Variants in ATG7 observed in about 807,000 individuals in gnomAD.
ATG7 encodes ubiquitin-like modifier-activating enzyme ATG7.
In ATG7, 70 loss-of-function variants were observed where a neutral mutation model predicts 82.4. That is an observed-to-expected ratio of 0.85 (90% CI 0.70 to 1.04). ATG7 has a LOEUF of 1.04. Ranked by LOEUF, ATG7 falls within the 50% of genes least tolerant of loss-of-function variation. The pLI, the probability that ATG7 is intolerant of heterozygous loss-of-function variation, is 0.00. For synonymous variants in ATG7, 287 were observed against 313.0 expected (o/e 0.92, Z 0.88); for missense variants, 792 against 864.3 (o/e 0.92, Z 1.05).
the ATG7 span, among the ~76,000 whole-genome samples, chr3:11,564,412 C>CT: frequency 6.6e-6 from 1 of 151,690 alleles, no homozygotes; most frequent in African/African-American, 2.4e-5. Flanking sequence ...AGGACCCCCC[C>CT]ACCCGAGGAT....
At chr3:11,394,364 G>T (rs1291533904) in intron 19 of ATG7, among the ~76,000 whole-genome samples, 1 of 152,140 alleles carries the variant, frequency 6.6e-6, no homozygotes, top group Non-Finnish European at 1.5e-5. Context: ...TAAGAAACTG[G>T]ATCAGTTGCT....
intron 3 of ATG7, among the ~76,000 whole-genome samples, chr3:11,286,125 G>A (rs1255378331): frequency 4.6e-5 from 7 of 152,180 alleles, no homozygotes; most frequent in Non-Finnish European, 1.0e-4. Context: ...TTCTTTCCAT[G>A]GCATTCTATC....
At chr3:11,282,007 C>T (rs967883122) in intron 2 of ATG7, among the ~76,000 whole-genome samples, 186 bp from the exon 3 acceptor site, 1 of 152,132 alleles carries the variant, frequency 6.6e-6, no homozygotes, top group African/African-American at 2.4e-5. Context: ...CATAGGGCTC[C>T]ACAGTGATTT....
chr3:11,363,024 A>G, intron 17 of ATG7, 96 bp downstream of exon 17: 1 of 1,087,794 alleles, frequency 9.2e-7, no homozygotes. Context: ...CTGACTTTAC[A>G]GAGAATTTCA....
intron 20 of ATG7, among the ~76,000 whole-genome samples, chr3:11,527,313 C>G (rs1485844304): frequency 6.6e-6 from 1 of 151,982 alleles, no homozygotes; most frequent in Admixed American, 6.6e-5. Flanking sequence ...CCATGTTGGC[C>G]AGGTTGAACT....
intron 20 of ATG7, among the ~76,000 whole-genome samples, chr3:11,441,545 A>G (rs1185946294): frequency 6.6e-6 from 1 of 151,126 alleles, no homozygotes; most frequent in African/African-American, 2.4e-5. Flanking sequence ...ACCAGCCTGC[A>G]TTATGTTTTA....
intron 20 of ATG7, among the ~76,000 whole-genome samples, chr3:11,507,213 C>T (rs867151146): frequency 6.6e-6 from 1 of 152,102 alleles, no homozygotes; most frequent in South Asian, 2.1e-4. Flanking sequence ...ACCCAGGAGG[C>T]GGAAGTTTCA....
intron 18 of ATG7, among the ~76,000 whole-genome samples, chr3:11,372,841 CGTGCGTGTGCGTGTGTGTGT>C (rs2077117825): frequency 6.3e-5 from 1 of 15,826 alleles, no homozygotes; most frequent in African/African-American, 2.7e-4. Flanking sequence ...TGTGTGCGTG[CGTGCGTGTGCGTGTGTGTGT>C]GTGAAATCGG....
At position 11,368,890 on chromosome 3, in the gene ATG7, T is replaced by TA. The variant is rs34587023; in HGVS notation, c.1875+4163dup. Among the ~76,000 whole-genome samples the TA allele has an allele frequency of 4.6e-5, 7 of 151,132 alleles. 1 individual carries two copies. Among genetic ancestry groups the TA allele is most frequent in the African/African-American group, 1.5e-4 (6 of 40,986 alleles). On this transcript the variant is annotated intron_variant, in intron 18 of 20. Transcript: ENST00000693202. ...TGAACTCTTGGTTCTAAAGTACTGA[T>TA]AAAAAAAGACCCTGAATGTGTATAT... is the stretch of plus-strand genomic sequence containing the variant.
rs914194243 is a variant in ATG7, at chr3:11,414,559, T to C, written c.1957-12245T>C. On this transcript the variant is annotated intron_variant, in intron 19 of 20. Transcript: ENST00000693202. ...TATTTCTTTTTCTTGTCTTATTTCATTAGCTAGGCCTTCTATTATGATGTT... is the reference window on the plus strand; with the variant it reads ...TATTTCTTTTTCTTGTCTTATTTCACTAGCTAGGCCTTCTATTATGATGTT... Among the ~76,000 whole-genome samples, 7 of 152,324 alleles carry C rather than the reference T, an allele frequency of 4.6e-5. No individual in the cohort carries two copies. In the East Asian group the frequency reaches 1.3e-3, roughly 29 times the overall value.
Position 11,348,690 on chromosome 3 carries a change from G to A in ATG7, c.1284+655G>A, listed in dbSNP as rs547005457. 4 of 152,382 alleles carry A rather than the reference G, an allele frequency of 2.6e-5. No homozygotes were observed. The East Asian group carries it at 7.7e-4, about 29-fold the overall frequency. The allele number at this position is 152,382 out of a possible 1,614,324, so 9.4% of individuals were successfully genotyped here. A position where few individuals can be genotyped will look rare whatever the true frequency, so the allele number is the denominator to read the frequency against. ...CCACAGCGTGGAAGGGGACCCAAGT[G>A]GGTTGCTGCTGCTGGCTGGGGTGGC... On this transcript the variant is annotated intron_variant, in intron 14 of 20. Coordinates refer to ENST00000693202, the MANE Select transcript of ATG7 (RefSeq NM_001349232.2).
intron 19 of ATG7, among the ~76,000 whole-genome samples, chr3:11,384,563 T>C (rs2078169413): frequency 6.6e-6 from 1 of 152,248 alleles, no homozygotes; most frequent in Non-Finnish European, 1.5e-5. Flanking sequence ...TGTCAGCTGG[T>C]AAATCGTACT....
intron 3 of ATG7, among the ~76,000 whole-genome samples, chr3:11,294,662 AG>A (rs1369410222): frequency 3.8e-4 from 58 of 152,348 alleles, no homozygotes; most frequent in Middle Eastern, 3.4e-3. Context: ...AATAAGTGCC[AG>A]TGACCTAGGC....
At chr3:11,373,434 A>G (rs955575792) in intron 18 of ATG7, among the ~76,000 whole-genome samples, 2 of 152,206 alleles carry the variant, frequency 1.3e-5, no homozygotes, top group African/African-American at 4.8e-5. Context: ...AACTAAGGTT[A>G]GTAACAAAGC....
At chr3:11,553,245 C>G (rs191002259) in intron 20 of ATG7, among the ~76,000 whole-genome samples, 2 of 150,976 alleles carry the variant, frequency 1.3e-5, no homozygotes, top group Non-Finnish European at 3.0e-5. Context: ...ATTGCCTTAC[C>G]TCTCTGGGCT....
At chr3:11,558,258 C>A, downstream of ATG7, 1 of 485,484 alleles carries the variant, frequency 2.1e-6, no homozygotes, top group East Asian at 3.4e-5. Flanking sequence ...GTCCTGGCCC[C>A]GTCGGGGCAG....
At chr3:11,560,857 C>T (rs1012645399), downstream of ATG7, among the ~76,000 whole-genome samples, 9 of 152,172 alleles carry the variant, frequency 5.9e-5, no homozygotes, top group African/African-American at 1.9e-4. Context: ...TGAATGTCCA[C>T]GTTCTGCCTG....
chr3:11,445,283 C>T (rs1296487804), intron 20 of ATG7, among the ~76,000 whole-genome samples: 3 of 152,068 alleles, frequency 2.0e-5, no homozygotes, highest in Admixed American at 6.5e-5. Flanking sequence ...TTCACAATAG[C>T]GAAGACATAG....
intron 14 of ATG7, among the ~76,000 whole-genome samples, chr3:11,349,451 T>C (rs1412554043): frequency 6.6e-6 from 1 of 152,116 alleles, no homozygotes; most frequent in Non-Finnish European, 1.5e-5. Flanking sequence ...ACAAAAGGAT[T>C]GCTTGAGCCT....
Sources: gnomAD v4.1 joint callset for allele counts (sites outside exome capture counted in the v4.1 genomes callset) on GRCh38, gnomAD v4.1.1 for gene constraint, MANE v1.5 for transcripts, NCBI Gene and HGNC (gene_info 2026-07-23, HGNC 2026-07-21) for gene names.